The following DNM1 variants were observed in gnomAD, a reference collection of about 807,000 sequenced individuals.
The protein encoded by DNM1 is dynamin 1, also known as dynamin-1.
DNM1 carries 29 observed loss-of-function variants against 104.6 expected under a neutral mutation model. That is an observed-to-expected ratio of 0.28 (90% CI 0.21 to 0.38). The LOEUF (loss-of-function observed/expected upper bound fraction) is 0.38. Ranked by LOEUF, DNM1 falls within the 10% of genes least tolerant of loss-of-function variation. The pLI is 1.00. For synonymous variants in DNM1, 445 were observed against 475.8 expected, an observed-to-expected ratio of 0.94 and a Z score of 0.84; for missense variants, 640 against 1,189.4, an observed-to-expected ratio of 0.54 and a Z score of 6.79.
At chr9:128,228,078 G>C (rs958373846) in intron 10 of DNM1, among the ~76,000 whole-genome samples, 6 of 152,044 alleles carry the variant, frequency 3.9e-5, no homozygotes, top group Non-Finnish European at 5.9e-5. Flanking sequence ...TTTCACGCTT[G>C]TTGCCCAGGC....
chr9:128,251,120 C>T, intron 21 of DNM1, 180 bp downstream of exon 21: 1 of 656,302 alleles, frequency 1.5e-6, no homozygotes, highest in Non-Finnish European at 2.8e-6. Context: ...GAGCCTGCCC[C>T]CGAGGGAGCG....
intron 15 of DNM1, 36 bp from the exon 16 acceptor site, chr9:128,246,358 C>A: frequency 6.8e-7 from 1 of 1,466,512 alleles, no homozygotes; most frequent in Non-Finnish European, 9.6e-7. Context: ...GAGAACAGTG[C>A]CAACCTCACC....
In DNM1 at chr9:128,254,733, C is replaced by A; in HGVS notation, c.*19C>A. Reference sequence around the variant, plus strand: ...CCTCTAAACAGATCCCTCCTCTTCTCGGAGACCTCCCTTTCCAAGCCTGCC... The same window carrying A: ...CCTCTAAACAGATCCCTCCTCTTCTAGGAGACCTCCCTTTCCAAGCCTGCC... On this transcript the variant is annotated 3_prime_UTR_variant, in exon 22 of 22. Transcript: ENST00000372923. This position sits in a 1 kb window ranked among gnomAD's most constrained non-coding sequence, Gnocchi z 6.1. 1 of 1,593,946 alleles carries A rather than the reference C, an allele frequency of 6.3e-7. No individual in the cohort carries two copies. Among genetic ancestry groups the A allele is most frequent in the Non-Finnish European group, 8.5e-7 (1 of 1,177,678 alleles).
At chr9:128,236,193 A>G (rs561769508) in intron 11 of DNM1, among the ~76,000 whole-genome samples, 48 of 152,238 alleles carry the variant, frequency 3.2e-4, no homozygotes, top group African/African-American at 1.1e-3. Context: ...TAGCCACTGA[A>G]CGCTACCTCT....
Position 128,254,336 on chromosome 9 carries a change from G to T in DNM1, c.2535-318G>T. 3 of 1,402,106 alleles carry T rather than the reference G, an allele frequency of 2.1e-6. No individual in the cohort carries two copies. The South Asian group carries it at 5.0e-5, about 23-fold the overall frequency. 86.9% of individuals were successfully genotyped at this position (1,402,106 alleles called of 1,614,324 possible). On this transcript the variant is annotated intron_variant, in intron 21 of 21. Coordinates refer to ENST00000372923, the MANE Select transcript of DNM1 (RefSeq NM_004408.4). This position sits in a 1 kb window ranked among gnomAD's most constrained non-coding sequence, Gnocchi z 6.1. ...GTGACCAGAGAAGAGGGAAGCCCGA[G>T]GGGGCCGAGCATCAGCCTGAATTGC...
At chr9:128,221,999 G>T (rs1031252890) in intron 6 of DNM1, among the ~76,000 whole-genome samples, 198 bp from the exon 7 acceptor site, 2 of 152,168 alleles carry the variant, frequency 1.3e-5, no homozygotes, top group African/African-American at 4.8e-5. Context: ...TGAAAATTAT[G>T]CACTCATTAA....
At chr9:128,229,186 G>A (rs1205549481) in intron 10 of DNM1, among the ~76,000 whole-genome samples, 1 of 151,922 alleles carries the variant, frequency 6.6e-6, no homozygotes, top group African/African-American at 2.4e-5. Flanking sequence ...GAGGCCAGAA[G>A]TTTAATACCA....
In DNM1 at chr9:128,220,224, CAAG is replaced by C; in HGVS notation, c.736_738del (p.Lys246del). 1.2e-6 allele frequency: 2 copies of C among 1,614,160 alleles called. No individual in the cohort carries two copies. Among genetic ancestry groups the C allele is most frequent in the Non-Finnish European group, 1.7e-6 (2 of 1,180,030 alleles). ...ACCGGAGCCAGAAGGACATTGATGG[CAAG>C]AAGGACATTACCGCCGCCTTGGCTG... On this transcript the variant is annotated inframe_deletion, in exon 6 of 22. Coordinates refer to ENST00000372923, the MANE Select transcript of DNM1 (RefSeq NM_004408.4). The surrounding 1 kb of genome is among the most constrained non-coding windows in gnomAD (Gnocchi z 5.2).
At position 128,254,599 on chromosome 9, in the gene DNM1, GCT is replaced by G; in HGVS notation, c.2535-49_2535-48del. The G allele has an allele frequency of 6.5e-7, 1 of 1,538,042 alleles. No individual in the cohort carries two copies. The highest frequency in any genetic ancestry group is 8.7e-7 in the Non-Finnish European group (1 of 1,144,360). On this transcript the variant is annotated intron_variant, in intron 21 of 21. Transcript: ENST00000372923. The surrounding 1 kb of genome is among the most constrained non-coding windows in gnomAD (Gnocchi z 6.1). ...GCCGTGTGCTGCGCTTGCCTTACCA[GCT>G]CTCTCCTCGCTTTTCTCTCCCGTTT... is the stretch of plus-strand genomic sequence containing the variant.
chr9:128,224,466 C>A lies in DNM1; in HGVS notation c.1335+77C>A, dbSNP rs1456460876. 5.9e-6 allele frequency: 8 copies of A among 1,365,884 alleles called. No individual in the cohort carries two copies. The highest frequency in any genetic ancestry group is 2.4e-5 in the East Asian group (1 of 41,762). The allele number at this position is 1,365,884 out of a possible 1,614,324, so 84.6% of individuals were successfully genotyped here. ...GCTGCCAGGCGCTCCTTCCCCATGTCCCCCCCTGCCTCCTCGGTAGCATGT... is the reference window on the plus strand; with the variant it reads ...GCTGCCAGGCGCTCCTTCCCCATGTACCCCCCTGCCTCCTCGGTAGCATGT... On this transcript the variant is annotated intron_variant, in intron 10 of 21. Transcript: ENST00000372923. The surrounding 1 kb of genome is among the most constrained non-coding windows in gnomAD (Gnocchi z 4.3).
Position 128,220,740 on chromosome 9 carries a change from C to CGTGTGTGTGTGTGTGTGT in DNM1, c.849+400_849+401insTGTGTGTGTGTGTGTGTG, listed in dbSNP as rs754950978. On this transcript the variant is annotated intron_variant, in intron 6 of 21. Coordinates refer to ENST00000372923, the MANE Select transcript of DNM1 (RefSeq NM_004408.4). This position sits in a 1 kb window ranked among gnomAD's most constrained non-coding sequence, Gnocchi z 5.2. Reference sequence around the variant, plus strand: ...TCCAGAACTGAAGTGCGCGCGCGCGCGCGTGTGTGTGTGTGTGTGTGTGTG... The same window carrying CGTGTGTGTGTGTGTGTGT: ...TCCAGAACTGAAGTGCGCGCGCGCGCGTGTGTGTGTGTGTGTGTGCGTGTGTGTGTGTGTGTGTGTGTG... Among the ~76,000 whole-genome samples the CGTGTGTGTGTGTGTGTGT allele has an allele frequency of 4.6e-4, 58 of 125,772 alleles. No homozygotes were observed. Among genetic ancestry groups the CGTGTGTGTGTGTGTGTGT allele is most frequent in the South Asian group, 9.3e-4 (3 of 3,214 alleles). 82.5% of individuals were successfully genotyped at this position (125,772 alleles called of 152,430 possible). A position where few individuals can be genotyped will look rare whatever the true frequency, so the allele number is the denominator to read the frequency against.
At chr9:128,215,609 A>G (rs1588340316) in intron 1 of DNM1, among the ~76,000 whole-genome samples, 1 of 152,020 alleles carries the variant, frequency 6.6e-6, no homozygotes. Context: ...CCAGACCCTG[A>G]CCACCCAGCA....
Position 128,203,415 on chromosome 9 carries a change from C to CGGAGCCGGGAGCGCTAGCG in DNM1, c.-54_-36dup. On this transcript the variant is annotated 5_prime_UTR_variant, in exon 1 of 22. Transcript: ENST00000372923. The surrounding 1 kb of genome is among the most constrained non-coding windows in gnomAD (Gnocchi z 5.3). ...GCGGCTGCAGCGGCGGAGCCGGAGT[C>CGGAGCCGGGAGCGCTAGCG]GGAGCCGGGAGCGCTAGCGGCAGCC... 7.3e-7 allele frequency: 1 copy of CGGAGCCGGGAGCGCTAGCG among 1,367,980 alleles called. No individual in the cohort carries two copies. Among genetic ancestry groups the CGGAGCCGGGAGCGCTAGCG allele is most frequent in the Non-Finnish European group, 9.4e-7 (1 of 1,058,366 alleles). 84.7% of individuals were successfully genotyped at this position (1,367,980 alleles called of 1,614,324 possible). A position where few individuals can be genotyped will look rare whatever the true frequency, so the allele number is the denominator to read the frequency against.
rs1829736056 is a variant in DNM1, at chr9:128,254,564, GCCGGCC to G, written c.2535-83_2535-78del. The G allele has an allele frequency of 8.8e-6, 14 of 1,587,170 alleles. No homozygotes were observed. In the African/African-American group the frequency reaches 1.1e-4, roughly 12 times the overall value. ...GCCCTCCCACCACTGCTGCGGCGCG[GCCGGCC>G]CCGGCCGTGTGCTGCGCTTGCCTTA... On this transcript the variant is annotated intron_variant, in intron 21 of 21. Coordinates refer to ENST00000372923, the MANE Select transcript of DNM1 (RefSeq NM_004408.4). The surrounding 1 kb of genome is among the most constrained non-coding windows in gnomAD (Gnocchi z 6.1).
chr9:128,238,946 C>T (rs1417849801), intron 11 of DNM1, among the ~76,000 whole-genome samples: 2 of 152,114 alleles, frequency 1.3e-5, no homozygotes. Flanking sequence ...TGAGCCACCG[C>T]ACCTGGCCAA....
chr9:128,231,339 T>A (rs577535118), intron 10 of DNM1, among the ~76,000 whole-genome samples: 15 of 151,776 alleles, frequency 9.9e-5, no homozygotes, highest in Non-Finnish European at 1.5e-5. Context: ...GTAGCTGGGA[T>A]TACAGGCATG....
chr9:128,205,589 C>T (rs901861691), intron 1 of DNM1, among the ~76,000 whole-genome samples: 7 of 152,194 alleles, frequency 4.6e-5, no homozygotes, highest in Admixed American at 4.6e-4. Context: ...GGCACAGGGA[C>T]GTGTGGGTGG....
intron 11 of DNM1, among the ~76,000 whole-genome samples, chr9:128,236,355 T>C (rs913106472): frequency 6.6e-6 from 1 of 152,168 alleles, no homozygotes; most frequent in Non-Finnish European, 1.5e-5. Flanking sequence ...TTCACACATC[T>C]CTCCATGATG....
chr9:128,209,835 G>A (rs150011265), intron 1 of DNM1, among the ~76,000 whole-genome samples: 217 of 152,294 alleles, frequency 1.4e-3, no homozygotes, highest in Non-Finnish European at 2.4e-3. Context: ...GCATCTGAGC[G>A]TAGCCTACGA....
Sources: gnomAD v4.1 joint callset for allele counts (sites outside exome capture counted in the v4.1 genomes callset) on GRCh38, gnomAD v4.1.1 for gene constraint, Gnocchi (gnomAD v3.1) non-coding constraint, MANE v1.5 for transcripts, NCBI Gene and HGNC (gene_info 2026-07-23, HGNC 2026-07-21) for gene names.